JAZF1: variants seen among roughly 807,000 people sequenced by gnomAD.
JAZF1 encodes JAZF zinc finger 1.
Under a neutral mutation model 26.4 loss-of-function variants are expected in JAZF1, and 8 were observed. That is an observed-to-expected ratio of 0.30 (90% confidence interval 0.18 to 0.55). JAZF1 has a LOEUF of 0.55. Ranked by LOEUF, JAZF1 falls within the 20% of genes least tolerant of loss-of-function variation. The probability of loss-of-function intolerance (pLI) is 0.94; values close to 1 mark genes in which losing one functional copy is unlikely to be tolerated. For missense variants in JAZF1, 199 were observed against 322.0 expected (o/e 0.62, Z 2.92); for synonymous variants, 126 against 122.3 (o/e 1.03, Z -0.20).
At chr7:27,994,410 T>C (rs1785969394) in intron 1 of JAZF1, among the ~76,000 whole-genome samples, 1 of 149,508 alleles carries the variant, frequency 6.7e-6, no homozygotes, top group Middle Eastern at 3.5e-3. Flanking sequence ...AACAGACTTC[T>C]GGAAGCTTCC....
At chr7:28,173,880 T>TAAAAAAAAAAAA (rs58075065) in intron 1 of JAZF1, among the ~76,000 whole-genome samples, 1 of 93,134 alleles carries the variant, frequency 1.1e-5, no homozygotes, top group Non-Finnish European at 2.1e-5. Flanking sequence ...CAGCTAGCTT[T>TAAAAAAAAAAAA]AAAAAAAAAA....
chr7:28,003,742 T>C (rs1333885532), intron 1 of JAZF1, among the ~76,000 whole-genome samples: 2 of 152,150 alleles, frequency 1.3e-5, no homozygotes, highest in East Asian at 1.9e-4. Flanking sequence ...TCTGACATCA[T>C]GCATCACATT....
chr7:28,088,108 G>A (rs567172491), intron 1 of JAZF1, among the ~76,000 whole-genome samples: 1 of 152,256 alleles, frequency 6.6e-6, no homozygotes, highest in East Asian at 1.9e-4. Context: ...AAACCAGGGG[G>A]TCTGAAAACA....
chr7:28,032,790 G>A (rs955154395), intron 1 of JAZF1, among the ~76,000 whole-genome samples: 6 of 152,060 alleles, frequency 3.9e-5, no homozygotes, highest in Non-Finnish European at 8.8e-5. Context: ...CCCAGGACCA[G>A]GCCAGTGTCA....
At chr7:27,835,965 A>AT (rs1782802486) in intron 4 of JAZF1, among the ~76,000 whole-genome samples, 1 of 152,236 alleles carries the variant, frequency 6.6e-6, no homozygotes, top group African/African-American at 2.4e-5. Context: ...TGGGTACTTG[A>AT]TGTCAATTGC....
intron 1 of JAZF1, among the ~76,000 whole-genome samples, chr7:28,116,333 G>C (rs955269827): frequency 2.2e-4 from 33 of 152,148 alleles, no homozygotes; most frequent in African/African-American, 7.5e-4. Flanking sequence ...TAGAATTTTT[G>C]CCAATCTGAT....
chr7:27,840,935 T>A lies in JAZF1; in HGVS notation c.386-68A>T, dbSNP rs897685110. ...CTCCCCACAGGTTCACCCGGCCACT[T>A]CCAGGACAGGAGATGTGGCCGTGGC... On this transcript the variant is annotated intron_variant, in intron 3 of 4. Coordinates refer to ENST00000283928, the MANE Select transcript of JAZF1 (RefSeq NM_175061.4). The surrounding 1 kb of genome is among the most constrained non-coding windows in gnomAD (Gnocchi z 5.1). 6.5e-7 allele frequency: 1 copy of A among 1,546,990 alleles called. No homozygotes were observed. Among genetic ancestry groups the A allele is most frequent in the Non-Finnish European group, 8.8e-7 (1 of 1,132,484 alleles).
intron 1 of JAZF1, among the ~76,000 whole-genome samples, chr7:28,078,586 G>A (rs922294427): frequency 1.3e-5 from 2 of 152,158 alleles, no homozygotes; most frequent in Non-Finnish European, 2.9e-5. Flanking sequence ...ATTGCCAGGC[G>A]AATAGAGAGA....
intron 2 of JAZF1, among the ~76,000 whole-genome samples, chr7:27,910,850 C>T (rs566626052): frequency 1.3e-5 from 2 of 152,184 alleles, no homozygotes; most frequent in Non-Finnish European, 2.9e-5. Context: ...GCAAACCAAG[C>T]GGTTGTTCCC....
At chr7:28,014,569 C>G (rs947768520) in intron 1 of JAZF1, among the ~76,000 whole-genome samples, 55 of 152,324 alleles carry the variant, frequency 3.6e-4, no homozygotes, top group African/African-American at 1.3e-3. Flanking sequence ...CTGCTGCCAT[C>G]CATGTAAGAC....
intron 2 of JAZF1, among the ~76,000 whole-genome samples, chr7:27,898,306 C>CAT: frequency 7.0e-5 from 1 of 14,210 alleles, no homozygotes; most frequent in African/African-American, 1.7e-4. Flanking sequence ...TATATATATA[C>CAT]ATCGGTTTTT....
At chr7:28,142,768 C>T (rs536116021) in intron 1 of JAZF1, among the ~76,000 whole-genome samples, 2 of 152,276 alleles carry the variant, frequency 1.3e-5, no homozygotes, top group South Asian at 2.1e-4. Context: ...CTGGGTAGGA[C>T]AACAACCTAG....
intron 1 of JAZF1, among the ~76,000 whole-genome samples, chr7:28,067,544 G>A (rs1291662699): frequency 1.3e-5 from 2 of 152,168 alleles, no homozygotes; most frequent in African/African-American, 2.4e-5. Context: ...CCAGGCTTTA[G>A]GTAATCTGAC....
At chr7:28,161,138 A>G (rs1487039462) in intron 1 of JAZF1, among the ~76,000 whole-genome samples, 1 of 152,054 alleles carries the variant, frequency 6.6e-6, no homozygotes, top group East Asian at 1.9e-4. Context: ...TAATTCATGT[A>G]AGGCTGTCGA....
chr7:27,929,989 T>C (rs1303686409), intron 2 of JAZF1, among the ~76,000 whole-genome samples: 1 of 151,232 alleles, frequency 6.6e-6, no homozygotes, highest in Non-Finnish European at 1.5e-5. Flanking sequence ...CCTCTCTCTC[T>C]CTCTCTCTTT....
intron 1 of JAZF1, among the ~76,000 whole-genome samples, chr7:28,165,170 A>T (rs544100391): frequency 2.6e-5 from 4 of 152,326 alleles, no homozygotes; most frequent in Admixed American, 2.0e-4. Flanking sequence ...CTCTGTATCA[A>T]AAGAAAAAAA....
chr7:27,875,238 G>A (rs983064885), intron 3 of JAZF1, among the ~76,000 whole-genome samples: 14 of 151,934 alleles, frequency 9.2e-5, no homozygotes, highest in Non-Finnish European at 1.6e-4. Flanking sequence ...AACTCCCATC[G>A]GCTCTACTCC....
At chr7:27,908,541 G>A (rs1209314710) in intron 2 of JAZF1, among the ~76,000 whole-genome samples, 2 of 152,110 alleles carry the variant, frequency 1.3e-5, no homozygotes, top group African/African-American at 4.8e-5. Context: ...GACGGTCACT[G>A]ATTTGGACTA....
chr7:27,876,161 G>A lies in JAZF1; in HGVS notation c.385+19059C>T, dbSNP rs143071588. ...GTGTCCCCGCATGGTAACTCACAGC[G>A]TTGTTCTTACTCCTTTAGGGGGCTA... is the stretch of plus-strand genomic sequence containing the variant. On this transcript the variant is annotated intron_variant, in intron 3 of 4. Coordinates refer to ENST00000283928, the MANE Select transcript of JAZF1 (RefSeq NM_175061.4). 7.3e-3 allele frequency among the ~76,000 whole-genome samples: 1,111 copies of A among 152,340 alleles called. 10 individuals are homozygous for A. Among genetic ancestry groups the A allele is most frequent in the African/African-American group, 0.025 (1,032 of 41,586 alleles).
Sources: allele counts gnomAD v4.1 joint callset (sites outside exome capture counted in the v4.1 genomes callset), GRCh38; gene constraint gnomAD v4.1.1; non-coding constraint Gnocchi (gnomAD v3.1); transcripts MANE v1.5; gene names NCBI Gene and HGNC (gene_info 2026-07-23, HGNC 2026-07-21).